CENPP: variants seen among roughly 807,000 people sequenced by gnomAD.
The protein encoded by CENPP is centromere protein P.
CENPP carries 24 observed loss-of-function variants against 35.6 expected under a neutral mutation model. The observed-to-expected ratio is 0.67, with a 90% confidence interval of 0.49 to 0.95. CENPP has a LOEUF of 0.95. Among genes scored for constraint, CENPP ranks in the 40% least tolerant of loss-of-function variants. The pLI, the probability that CENPP is intolerant of heterozygous loss-of-function variation, is 0.00. For synonymous variants in CENPP, 120 were observed against 125.5 expected, an observed-to-expected ratio of 0.96 and a Z score of 0.29; for missense variants, 332 against 345.3, an observed-to-expected ratio of 0.96 and a Z score of 0.31.
At chr9:92,510,656 G>A (rs1186846292) in intron 5 of CENPP, among the ~76,000 whole-genome samples, 1 of 152,182 alleles carries the variant, frequency 6.6e-6, no homozygotes, top group Non-Finnish European at 1.5e-5. Flanking sequence ...CCACAAGTGG[G>A]GACCTGTGGT....
chr9:92,592,317 CGA>C (rs1850685066), intron 5 of CENPP, among the ~76,000 whole-genome samples: 1 of 152,150 alleles, frequency 6.6e-6, no homozygotes, highest in African/African-American at 2.4e-5. Context: ...CAGCCCAGGG[CGA>C]GCACTGCTGG....
chr9:92,603,321 A>G (rs768791638), intron 5 of CENPP, among the ~76,000 whole-genome samples: 10 of 152,246 alleles, frequency 6.6e-5, no homozygotes, highest in Non-Finnish European at 1.5e-4. Flanking sequence ...AACCTAGACC[A>G]GTGTCTGGCA....
At chr9:92,518,009 G>T in intron 5 of CENPP, 1 of 1,041,730 alleles carries the variant, frequency 9.6e-7, no homozygotes, top group Non-Finnish European at 1.4e-6. Context: ...CATGTATAGG[G>T]TAAAGATGTC....
chr9:92,425,245 C>A (rs986473273), intron 5 of CENPP, among the ~76,000 whole-genome samples: 4 of 152,090 alleles, frequency 2.6e-5, no homozygotes, highest in African/African-American at 9.7e-5. Flanking sequence ...TTCTAATATC[C>A]TTTCAGATAA....
Position 92,355,284 on chromosome 9 carries a change from C to A in CENPP, c.467+9497C>A, listed in dbSNP as rs554180638. On this transcript the variant is annotated intron_variant, in intron 4 of 7. Coordinates refer to ENST00000375587, the MANE Select transcript of CENPP (RefSeq NM_001012267.3). Reference sequence around the variant, plus strand: ...GAGTGGCTGTTTATAGACCTCCCCCCAGGAATGCATTCCTTTCCCAGGGTA... The same window carrying A: ...GAGTGGCTGTTTATAGACCTCCCCCAAGGAATGCATTCCTTTCCCAGGGTA... 4.6e-5 allele frequency among the ~76,000 whole-genome samples: 7 copies of A among 152,110 alleles called. No individual in the cohort carries two copies. The South Asian group carries it at 1.0e-3, about 22-fold the overall frequency.
intron 5 of CENPP, among the ~76,000 whole-genome samples, chr9:92,468,173 A>G (rs996831147): frequency 1.4e-4 from 22 of 152,196 alleles, no homozygotes; most frequent in African/African-American, 4.1e-4. Flanking sequence ...CTGGGCTTTT[A>G]TTAGTTTGTT....
At chr9:92,496,569 T>G (rs1179213952) in intron 5 of CENPP, 2 of 1,523,206 alleles carry the variant, frequency 1.3e-6, no homozygotes, top group Non-Finnish European at 1.7e-6. Flanking sequence ...TTAAAAAAAT[T>G]TTGTTCTTAA....
At chr9:92,459,554 G>T in intron 5 of CENPP, 1 of 1,407,138 alleles carries the variant, frequency 7.1e-7, no homozygotes, top group Non-Finnish European at 9.8e-7. Flanking sequence ...CTTGGTCTTT[G>T]CTTGAGGTGT....
intron 5 of CENPP, among the ~76,000 whole-genome samples, chr9:92,530,297 G>A (rs751833880): frequency 7.2e-5 from 11 of 152,076 alleles, no homozygotes; most frequent in Non-Finnish European, 1.5e-4. Context: ...GGGTGATAAT[G>A]ATATGTCAGC....
chr9:92,557,223 C>T lies in CENPP; in HGVS notation c.565-54091C>T, dbSNP rs529266505. Among the ~76,000 whole-genome samples the T allele has an allele frequency of 3.3e-5, 5 of 152,258 alleles. No individual in the cohort carries two copies. The East Asian group carries it at 7.7e-4, about 23-fold the overall frequency. On this transcript the variant is annotated intron_variant, in intron 5 of 7. Coordinates refer to ENST00000375587, the MANE Select transcript of CENPP (RefSeq NM_001012267.3). Reference sequence around the variant, plus strand: ...CTGATAGGTTTTCCTTTGTAGGTTACCTGGTGCTTCTGTCTCACAGCTCTT... The same window carrying T: ...CTGATAGGTTTTCCTTTGTAGGTTATCTGGTGCTTCTGTCTCACAGCTCTT...
intron 5 of CENPP, chr9:92,470,683 G>T (rs763102168): frequency 1.1e-5 from 17 of 1,517,934 alleles, no homozygotes; most frequent in Non-Finnish European, 1.4e-5. Flanking sequence ...AGTGAAGTGA[G>T]TCCTTTAAAA....
chr9:92,377,350 G>A (rs961554937), intron 4 of CENPP, among the ~76,000 whole-genome samples: 2 of 152,116 alleles, frequency 1.3e-5, no homozygotes, highest in South Asian at 2.1e-4. Context: ...GAATCAAAAC[G>A]ATTCCTTGGG....
chr9:92,441,424 A>G (rs1844383813), intron 5 of CENPP, among the ~76,000 whole-genome samples: 2 of 152,188 alleles, frequency 1.3e-5, no homozygotes. Context: ...TAAGGAAGAA[A>G]AAAAGGGATG....
chr9:92,598,510 G>T (rs1850833629), intron 5 of CENPP, among the ~76,000 whole-genome samples: 2 of 152,180 alleles, frequency 1.3e-5, no homozygotes, highest in African/African-American at 4.8e-5. Context: ...CTGGGGTTGT[G>T]ATGTGACATC....
chr9:92,491,291 AC>A (rs1413162339), intron 5 of CENPP, among the ~76,000 whole-genome samples: 1 of 152,182 alleles, frequency 6.6e-6, no homozygotes, highest in Admixed American at 6.5e-5. Flanking sequence ...GGGTAGCGGC[AC>A]AGGCACTGAA....
At chr9:92,572,123 C>T (rs573353463) in intron 5 of CENPP, among the ~76,000 whole-genome samples, 49 of 152,152 alleles carry the variant, frequency 3.2e-4, no homozygotes, top group African/African-American at 1.1e-3. Context: ...GAATTTGATC[C>T]TGTCATTATG....
Position 92,476,667 on chromosome 9 carries a change from C to G in CENPP, c.564+96808C>G, listed in dbSNP as rs1845724724. 6.6e-6 allele frequency among the ~76,000 whole-genome samples: 1 copy of G among 152,148 alleles called. No individual in the cohort carries two copies. Among genetic ancestry groups the G allele is most frequent in the Admixed American group, 6.5e-5 (1 of 15,276 alleles). On this transcript the variant is annotated intron_variant, in intron 5 of 7. Coordinates refer to ENST00000375587, the MANE Select transcript of CENPP (RefSeq NM_001012267.3). The surrounding 1 kb of genome is among the most constrained non-coding windows in gnomAD (Gnocchi z 4.1). ...AATAATCCTATGCTGATTCCAATTT[C>G]AAAACTAGCCCTAGCCTCCCATCTG...
chr9:92,459,447 C>A (rs191444932), intron 5 of CENPP, among the ~76,000 whole-genome samples: 1 of 152,244 alleles, frequency 6.6e-6, no homozygotes, highest in East Asian at 1.9e-4. Context: ...TTTCTTGTGA[C>A]GTCGATGTAG....
chr9:92,411,186 A>AT (rs1843435396), intron 5 of CENPP, among the ~76,000 whole-genome samples: 1 of 151,966 alleles, frequency 6.6e-6, no homozygotes, highest in African/African-American at 2.4e-5. Flanking sequence ...GTTAGCCAGG[A>AT]TGGTCTCAGT....
Sources: gnomAD v4.1 joint callset for allele counts (sites outside exome capture counted in the v4.1 genomes callset) on GRCh38, gnomAD v4.1.1 for gene constraint, Gnocchi (gnomAD v3.1) non-coding constraint, MANE v1.5 for transcripts, NCBI Gene and HGNC (gene_info 2026-07-23, HGNC 2026-07-21) for gene names.